Variants in HS3ST4 observed in about 807,000 individuals in gnomAD.
The protein encoded by HS3ST4 is heparan sulfate glucosamine 3-O-sulfotransferase 4.
A neutral mutation model predicts 29.2 loss-of-function variants in HS3ST4; 17 were observed. The observed-to-expected ratio is 0.58, with a 90% CI of 0.40 to 0.87. The LOEUF is 0.87. Ranked by LOEUF, HS3ST4 falls within the 40% of genes least tolerant of loss-of-function variation. The pLI, the probability that HS3ST4 is intolerant of heterozygous loss-of-function variation, is 0.00. For synonymous variants in HS3ST4, 314 were observed against 285.7 expected, an observed-to-expected ratio of 1.10 and a Z score of -1.00; for missense variants, 627 against 634.5, an observed-to-expected ratio of 0.99 and a Z score of 0.13.
intron 1 of HS3ST4, among the ~76,000 whole-genome samples, chr16:26,113,512 G>A (rs1000085445): frequency 6.7e-6 from 1 of 148,918 alleles, no homozygotes; most frequent in Non-Finnish European, 1.5e-5. Context: ...GTGTGTGTAT[G>A]CAAGAGGAAG....
intron 1 of HS3ST4, among the ~76,000 whole-genome samples, chr16:25,938,900 G>T (rs933063152): frequency 1.3e-5 from 2 of 152,180 alleles, no homozygotes; most frequent in Non-Finnish European, 2.9e-5. Flanking sequence ...GGAGGTAACT[G>T]TTGGCTTATA....
chr16:25,938,196 A>G (rs1331709473), intron 1 of HS3ST4, among the ~76,000 whole-genome samples: 2 of 152,140 alleles, frequency 1.3e-5, no homozygotes, highest in East Asian at 3.8e-4. Context: ...CCAGCAAGAC[A>G]AGAAGATCAG....
intron 1 of HS3ST4, among the ~76,000 whole-genome samples, chr16:25,752,135 A>C (rs1304549713): frequency 2.0e-5 from 3 of 152,210 alleles, no homozygotes; most frequent in Non-Finnish European, 4.4e-5. Context: ...TCAGTGAATA[A>C]ATATGTCACA....
intron 1 of HS3ST4, among the ~76,000 whole-genome samples, chr16:25,739,347 A>G (rs1259078740): frequency 1.3e-5 from 2 of 152,182 alleles, no homozygotes; most frequent in Admixed American, 6.5e-5. Context: ...GTCTCAAAAA[A>G]CACACAAACA....
At chr16:25,750,191 T>C (rs1966710052) in intron 1 of HS3ST4, among the ~76,000 whole-genome samples, 1 of 152,064 alleles carries the variant, frequency 6.6e-6, no homozygotes, top group South Asian at 2.1e-4. Context: ...TTGATTGGCG[T>C]TTCTACATAT....
chr16:25,759,291 C>T (rs1307480032), intron 1 of HS3ST4, among the ~76,000 whole-genome samples: 1 of 152,244 alleles, frequency 6.6e-6, no homozygotes, highest in Non-Finnish European at 1.5e-5. Flanking sequence ...AACAATCTAG[C>T]TTAATCTTCC....
intron 1 of HS3ST4, among the ~76,000 whole-genome samples, chr16:25,944,082 A>G (rs549661229): frequency 6.6e-6 from 1 of 151,996 alleles, no homozygotes; most frequent in South Asian, 2.1e-4. Context: ...TCTTGTCCCT[A>G]GTTGCTGATC....
At chr16:26,111,748 G>C (rs1899131813) in intron 1 of HS3ST4, among the ~76,000 whole-genome samples, 1 of 152,140 alleles carries the variant, frequency 6.6e-6, no homozygotes, top group Non-Finnish European at 1.5e-5. Flanking sequence ...GTCAGGTGCA[G>C]TGGATCACTC....
At chr16:25,873,300 ATCCATCCATCCATCCATCCATCCT>A (rs1397985461) in intron 1 of HS3ST4, among the ~76,000 whole-genome samples, 2 of 110,916 alleles carry the variant, frequency 1.8e-5, no homozygotes, top group Non-Finnish European at 4.0e-5. Flanking sequence ...CCATCCATCC[ATCCATCCATCCATCCATCCATCCT>A]TCCTTCCTTC....
chr16:26,071,995 C>T (rs1898608771), intron 1 of HS3ST4, among the ~76,000 whole-genome samples: 1 of 152,172 alleles, frequency 6.6e-6, no homozygotes, highest in Admixed American at 6.5e-5. Context: ...ATGGGCCCTT[C>T]ACATCTATGA....
intron 1 of HS3ST4, among the ~76,000 whole-genome samples, chr16:26,105,804 C>T (rs182007852): frequency 6.6e-6 from 1 of 152,238 alleles, no homozygotes; most frequent in African/African-American, 2.4e-5. Flanking sequence ...CAGATGTTAC[C>T]TCTAACCTGG....
intron 1 of HS3ST4, among the ~76,000 whole-genome samples, chr16:25,886,178 G>A (rs1967949745): frequency 6.6e-6 from 1 of 151,830 alleles, no homozygotes; most frequent in African/African-American, 2.4e-5. Flanking sequence ...GACTACAGGT[G>A]CGTGCCACCA....
intron 1 of HS3ST4, among the ~76,000 whole-genome samples, chr16:25,777,412 AGT>A (rs56191219): frequency 0.26 from 38,687 of 147,608 alleles, 5,251 homozygotes; most frequent in East Asian, 0.45. Flanking sequence ...AGCACACCAA[AGT>A]GTGTGTGTGT....
At chr16:25,828,633 G>A (rs767225572) in intron 1 of HS3ST4, among the ~76,000 whole-genome samples, 39 of 152,000 alleles carry the variant, frequency 2.6e-4, no homozygotes, top group Non-Finnish European at 5.0e-4. Flanking sequence ...CAGCTACTGT[G>A]CCTGGCCCCC....
intron 1 of HS3ST4, among the ~76,000 whole-genome samples, chr16:25,840,486 G>A (rs1216033697): frequency 6.6e-6 from 1 of 152,146 alleles, no homozygotes; most frequent in Non-Finnish European, 1.5e-5. Context: ...TATCAAATAA[G>A]TTGTTGGTCA....
At chr16:25,917,303 C>G (rs1968302667) in intron 1 of HS3ST4, among the ~76,000 whole-genome samples, 1 of 152,136 alleles carries the variant, frequency 6.6e-6, no homozygotes, top group East Asian at 1.9e-4. Flanking sequence ...ACCTCCACCT[C>G]CCAGGTTCAA....
At chr16:25,705,480 A>G (rs1022730469) in intron 1 of HS3ST4, among the ~76,000 whole-genome samples, 3 of 152,088 alleles carry the variant, frequency 2.0e-5, no homozygotes, top group African/African-American at 7.2e-5. Flanking sequence ...CCTGGCTAAC[A>G]CGGTGAAACC....
intron 1 of HS3ST4, among the ~76,000 whole-genome samples, chr16:25,825,093 A>G (rs962420037): frequency 3.9e-5 from 6 of 152,224 alleles, no homozygotes; most frequent in African/African-American, 1.4e-4. Flanking sequence ...TTCTTTGTGA[A>G]GACATCAAGA....
At chr16:25,799,877 A>T (rs961212458) in intron 1 of HS3ST4, among the ~76,000 whole-genome samples, 2 of 151,712 alleles carry the variant, frequency 1.3e-5, no homozygotes, top group African/African-American at 4.8e-5. Flanking sequence ...TGGGTATCTC[A>T]CTATGTTGGT....
Sources: allele counts gnomAD v4.1 joint callset (sites outside exome capture counted in the v4.1 genomes callset), GRCh38; gene constraint gnomAD v4.1.1; transcripts MANE v1.5; gene names NCBI Gene and HGNC (gene_info 2026-07-23, HGNC 2026-07-21).